The following CHN2 variants were observed in gnomAD, a reference collection of about 807,000 sequenced individuals.
CHN2 encodes the protein beta-chimaerin.
In CHN2, 35 loss-of-function variants were observed where a neutral mutation model predicts 56.3. The ratio of observed to expected loss-of-function variants is 0.62; its 90% CI spans 0.47 to 0.82. The LOEUF (loss-of-function observed/expected upper bound fraction) is 0.82, where lower values mean the gene tolerates loss of function less well. Ranked by LOEUF, CHN2 falls within the 40% of genes least tolerant of loss-of-function variation. CHN2 has a pLI of 0.00. For missense variants in CHN2, 491 were observed against 580.5 expected (o/e 0.85, Z 1.58); for synonymous variants, 210 against 212.8 (o/e 0.99, Z 0.12).
At chr7:29,462,004 C>T (rs1355245205) in intron 6 of CHN2, among the ~76,000 whole-genome samples, 6 of 152,072 alleles carry the variant, frequency 3.9e-5, no homozygotes, top group African/African-American at 1.2e-4. Flanking sequence ...CTATAAATTC[C>T]CATTCATTTA....
At chr7:29,302,948 A>G (rs892315446) in intron 1 of CHN2, among the ~76,000 whole-genome samples, 2 of 152,188 alleles carry the variant, frequency 1.3e-5, no homozygotes, top group Admixed American at 1.3e-4. Context: ...CAAGCTAAGT[A>G]CTGTTCCATT....
chr7:29,274,360 A>G (rs10236748), intron 1 of CHN2, among the ~76,000 whole-genome samples: 30,598 of 152,244 alleles, frequency 0.2, 3,228 homozygotes, highest in East Asian at 0.28. Flanking sequence ...AAGGCTTTGT[A>G]AGAGAGGAGC....
At chr7:29,283,653 C>T (rs1277178543) in intron 1 of CHN2, among the ~76,000 whole-genome samples, 1 of 152,034 alleles carries the variant, frequency 6.6e-6, no homozygotes, top group Non-Finnish European at 1.5e-5. Context: ...GAGTCTTGCT[C>T]TGTTGCCCAG....
intron 1 of CHN2, among the ~76,000 whole-genome samples, chr7:29,340,907 G>A (rs924456277): frequency 1.6e-4 from 25 of 152,204 alleles, no homozygotes; most frequent in African/African-American, 5.1e-4. Context: ...TTTGAGTCAC[G>A]TCAAACAGCT....
rs116936059 is a variant in CHN2, at chr7:29,468,383, G to T, written c.577-11896G>T. On this transcript the variant is annotated intron_variant, in intron 6 of 12. Transcript: ENST00000222792. ...GTTCTCATGCCAGCAGGGGTTGCAT[G>T]GTTTGAACTTCCACCAACACCAAGG... 2.2e-4 allele frequency among the ~76,000 whole-genome samples: 34 copies of T among 152,170 alleles called. No homozygotes were observed. The East Asian group carries it at 5.6e-3, about 25-fold the overall frequency.
At chr7:29,219,602 T>C (rs1193525386) in intron 1 of CHN2, among the ~76,000 whole-genome samples, 2 of 152,190 alleles carry the variant, frequency 1.3e-5, no homozygotes, top group Admixed American at 1.3e-4. Flanking sequence ...GGTTTTAAGA[T>C]ACTTTACTAA....
At chr7:29,499,516 T>C (rs1789702151) in intron 8 of CHN2, among the ~76,000 whole-genome samples, 1 of 152,324 alleles carries the variant, frequency 6.6e-6, no homozygotes. Context: ...AAGCCAGGAC[T>C]GTCTGGGAAT....
At chr7:29,340,346 T>C (rs527479699) in intron 1 of CHN2, among the ~76,000 whole-genome samples, 1 of 150,638 alleles carries the variant, frequency 6.6e-6, no homozygotes, top group South Asian at 2.1e-4. Context: ...CAGAAATCTT[T>C]TGGGGGAAGA....
At chr7:29,376,794 C>T (rs1800111881) in intron 3 of CHN2, among the ~76,000 whole-genome samples, 1 of 152,090 alleles carries the variant, frequency 6.6e-6, no homozygotes, top group Non-Finnish European at 1.5e-5. Flanking sequence ...TGTTATTTTC[C>T]ACCCTTTAAA....
chr7:29,410,921 A>C (rs1220497203), intron 6 of CHN2, among the ~76,000 whole-genome samples: 1 of 152,226 alleles, frequency 6.6e-6, no homozygotes, highest in Non-Finnish European at 1.5e-5. Flanking sequence ...TTCCTCCTCA[A>C]ATCCCTAAAC....
intron 2 of CHN2, among the ~76,000 whole-genome samples, chr7:29,167,743 T>C (rs1297891272): frequency 6.6e-6 from 1 of 152,222 alleles, no homozygotes; most frequent in Non-Finnish European, 1.5e-5. Context: ...AGTCATTTGT[T>C]TTCCCTAAAC....
At chr7:29,406,895 CT>C (rs1765073261) in intron 6 of CHN2, among the ~76,000 whole-genome samples, 1 of 152,174 alleles carries the variant, frequency 6.6e-6, no homozygotes, top group African/African-American at 2.4e-5. Flanking sequence ...TTCTAACGCC[CT>C]CCACCTCACT....
chr7:29,289,134 T>C (rs1792379836), intron 1 of CHN2: 2 of 152,224 alleles, frequency 1.3e-5, no homozygotes, highest in South Asian at 4.1e-4. Flanking sequence ...GTGGTGCTTA[T>C]TTGCAAGTAA....
At chr7:29,172,900 G>A (rs564595222) in intron 2 of CHN2, among the ~76,000 whole-genome samples, 1 of 152,230 alleles carries the variant, frequency 6.6e-6, no homozygotes, top group East Asian at 1.9e-4. Context: ...GGAGGCCGAG[G>A]TGGGTGGATC....
At chr7:29,509,194 A>G (rs1323206580) in intron 11 of CHN2, 107 bp from the exon 12 acceptor site, 1 of 753,486 alleles carries the variant, frequency 1.3e-6, no homozygotes, top group Non-Finnish European at 2.3e-6. Flanking sequence ...GCATGAATTT[A>G]TTAGAATCCT....
At position 29,250,859 on chromosome 7, in the gene CHN2, C is replaced by T. The variant is rs191903268; in HGVS notation, c.49+55869C>T. 2.3e-3 allele frequency among the ~76,000 whole-genome samples: 327 copies of T among 142,926 alleles called. 1 individual carries two copies. Among genetic ancestry groups the T allele is most frequent in the African/African-American group, 8.6e-3 (306 of 35,490 alleles). The allele number at this position is 142,926 out of a possible 152,430, so 93.8% of individuals were successfully genotyped here. Reference sequence around the variant, plus strand: ...TCAAGCAGCTGGGATTACAGGCACCCGCCACCATGCCAGGCTAATTTTGTA... The same window carrying T: ...TCAAGCAGCTGGGATTACAGGCACCTGCCACCATGCCAGGCTAATTTTGTA... On this transcript the variant is annotated intron_variant, in intron 1 of 12. Transcript: ENST00000222792.
At chr7:29,382,449 A>C (rs1192786010) in intron 3 of CHN2, among the ~76,000 whole-genome samples, 1 of 152,226 alleles carries the variant, frequency 6.6e-6, no homozygotes, top group Non-Finnish European at 1.5e-5. Flanking sequence ...TCAAGGTGTG[A>C]GCTACCACCA....
chr7:29,445,624 C>A (rs986088540), intron 6 of CHN2, among the ~76,000 whole-genome samples: 2 of 151,886 alleles, frequency 1.3e-5, no homozygotes, highest in Non-Finnish European at 2.9e-5. Context: ...GATGTTTAAC[C>A]CATTATTGTT....
At chr7:29,243,310 A>G (rs567176397) in intron 1 of CHN2, among the ~76,000 whole-genome samples, 1 of 152,282 alleles carries the variant, frequency 6.6e-6, no homozygotes, top group South Asian at 2.1e-4. Context: ...TTTTCCACCC[A>G]ATTTGAGACC....
Sources: gnomAD v4.1 joint callset for allele counts (sites outside exome capture counted in the v4.1 genomes callset) on GRCh38, gnomAD v4.1.1 for gene constraint, MANE v1.5 for transcripts, NCBI Gene and HGNC (gene_info 2026-07-23, HGNC 2026-07-21) for gene names.